The following ERCC6 variants were observed in gnomAD, a reference collection of about 807,000 sequenced individuals.
ERCC6 encodes the protein ERCC excision repair 6, chromatin remodeling factor, also known as DNA excision repair protein ERCC-6.
Under a neutral mutation model 158.7 loss-of-function variants are expected in ERCC6, and 116 were observed. That is an observed-to-expected ratio of 0.73 (90% CI 0.63 to 0.85). ERCC6 has a LOEUF of 0.85. Ranked by LOEUF, ERCC6 falls within the 40% of genes least tolerant of loss-of-function variation. ERCC6 has a pLI of 0.00. For synonymous variants in ERCC6, 678 were observed against 659.3 expected, an observed-to-expected ratio of 1.03 and a Z score of -0.43; for missense variants, 1,698 against 1,799.4, an observed-to-expected ratio of 0.94 and a Z score of 1.02.
chr10:49,477,620 T>G (rs563900348), intron 11 of ERCC6, among the ~76,000 whole-genome samples: 1 of 152,138 alleles, frequency 6.6e-6, no homozygotes, highest in Non-Finnish European at 1.5e-5. Context: ...CTTCTGTTCA[T>G]GCACCTGTCT....
intron 11 of ERCC6, among the ~76,000 whole-genome samples, chr10:49,478,102 G>A (rs1850909997): frequency 6.6e-6 from 1 of 152,240 alleles, no homozygotes; most frequent in Non-Finnish European, 1.5e-5. Context: ...TAGCATGAAT[G>A]AATTAGGGGC....
intron 6 of ERCC6, chr10:49,505,131 G>A (rs1435935706): frequency 6.6e-6 from 1 of 152,060 alleles, no homozygotes; most frequent in East Asian, 1.9e-4. Flanking sequence ...CTTCCTATAT[G>A]CATCTAAGAA....
At chr10:49,484,104 G>A (rs1034476415) in intron 8 of ERCC6, among the ~76,000 whole-genome samples, 1 of 150,902 alleles carries the variant, frequency 6.6e-6, no homozygotes, top group Non-Finnish European at 1.5e-5. Flanking sequence ...CATGGTGAAA[G>A]CCTATCTCTA....
At position 49,461,427 on chromosome 10, in the gene ERCC6, C is replaced by A. The variant is rs767621835; in HGVS notation, c.3908G>T (p.Arg1303Leu). Reference sequence around the variant, plus strand: ...AACACCAGACACTGCTCCCAGACACCGCTGACGAGAGAGCCTCAGTGCTTT... The same window carrying A: ...AACACCAGACACTGCTCCCAGACACAGCTGACGAGAGAGCCTCAGTGCTTT... Reference protein sequence around the residue: ...ALKALRLSRQRCLGAVSGVPT... With the variant: ...ALKALRLSRQLCLGAVSGVPT... Residue 1303 changes from arginine to leucine, a missense_variant, in exon 19 of 21, where the codon CGG becomes CTG. Transcript: ENST00000355832. 45 of 1,614,030 alleles carry A rather than the reference C, an allele frequency of 2.8e-5. No homozygotes were observed. Among genetic ancestry groups the A allele is most frequent in the Non-Finnish European group, 3.5e-5 (41 of 1,180,038 alleles).
intron 6 of ERCC6, chr10:49,505,155 A>C (rs1208609339): frequency 6.6e-6 from 1 of 152,154 alleles, no homozygotes; most frequent in Non-Finnish European, 1.5e-5. Flanking sequence ...TTCCTAAAGT[A>C]TCTTGTTAAG....
chr10:49,446,668 C>A, the ERCC6 span, among the ~76,000 whole-genome samples: 1 of 152,080 alleles, frequency 6.6e-6, no homozygotes, highest in South Asian at 2.1e-4. Flanking sequence ...GCCCCAGCCT[C>A]TTGGGAGGCT....
chr10:49,472,583 G>T, intron 15 of ERCC6, 113 bp from the exon 16 acceptor site: 1 of 1,107,242 alleles, frequency 9.0e-7, no homozygotes, highest in South Asian at 1.3e-5. Flanking sequence ...TTAGAATTTT[G>T]ACTCATGACG....
intron 5 of ERCC6, chr10:49,516,923 A>G (rs780731619): frequency 1.2e-6 from 2 of 1,614,068 alleles, no homozygotes; most frequent in Admixed American, 3.3e-5. Context: ...CATCTTGAAT[A>G]AGATACGCAG....
At position 49,532,656 on chromosome 10, in the gene ERCC6, G is replaced by T. The variant is rs766170632; in HGVS notation, c.309C>A (p.Asp103Glu). 2 of 1,614,178 alleles carry T rather than the reference G, an allele frequency of 1.2e-6. No individual in the cohort carries two copies. Among genetic ancestry groups the T allele is most frequent in the South Asian group, 1.1e-5 (1 of 91,080 alleles). ...GCTGAAGCACTCCCTGTTCCAGCAC[G>T]TCCTGGTCATAGACGTCCACACCCA... is the stretch of plus-strand genomic sequence containing the variant. ...QGLGVDVYDQ[D>E]VLEQGVLQQV... The change falls in exon 2 of 21, where the codon GAC becomes GAA. Residue 103 changes from aspartate to glutamate, a missense_variant. Asp to Glu is a conservative substitution (Grantham distance 45, BLOSUM62 2). Transcript: ENST00000355832.
chr10:49,473,057 C>G, intron 14 of ERCC6, 29 bp from the exon 15 acceptor site: 1 of 1,613,940 alleles, frequency 6.2e-7, no homozygotes, highest in South Asian at 1.1e-5. Flanking sequence ...ACACTGAGCA[C>G]ACACACTTAA....
At chr10:49,446,979 C>T in the ERCC6 span, among the ~76,000 whole-genome samples, 1 of 152,086 alleles carries the variant, frequency 6.6e-6, no homozygotes, top group Non-Finnish European at 1.5e-5. Flanking sequence ...AGCACAGGCT[C>T]CATACAGGAT....
chr10:49,460,534 C>T, intron 19 of ERCC6, 83 bp from the exon 20 acceptor site: 2 of 957,422 alleles, frequency 2.1e-6, no homozygotes, highest in South Asian at 2.6e-5. Flanking sequence ...CAATGAACTT[C>T]TTCCTGGAAA....
intron 8 of ERCC6, among the ~76,000 whole-genome samples, chr10:49,485,305 G>A (rs762873142): frequency 1.3e-5 from 2 of 152,144 alleles, no homozygotes; most frequent in African/African-American, 2.4e-5. Flanking sequence ...GAATTCGAAC[G>A]GAGAAAGGCA....
intron 7 of ERCC6, among the ~76,000 whole-genome samples, chr10:49,496,270 T>C (rs1447127405): frequency 6.6e-6 from 1 of 152,198 alleles, no homozygotes. Flanking sequence ...ACAAATCACC[T>C]TTACTGTAAT....
At position 49,455,439 on chromosome 10, in the gene ERCC6, G is replaced by C. The variant is rs1850469105; in HGVS notation, c.*3376C>G. On this transcript the variant is annotated 3_prime_UTR_variant, in exon 21 of 21. Transcript: ENST00000355832. ...TTCAGCTGGAACAGAAAACACCCAAGTATAAGACACTGAAGAGGGGGAGAA... is the reference window on the plus strand; with the variant it reads ...TTCAGCTGGAACAGAAAACACCCAACTATAAGACACTGAAGAGGGGGAGAA... 1 of 152,172 alleles carries C rather than the reference G, an allele frequency of 6.6e-6. No homozygotes were observed. Among genetic ancestry groups the C allele is most frequent in the Admixed American group, 6.5e-5 (1 of 15,286 alleles). 9.4% of individuals were successfully genotyped at this position (152,172 alleles called of 1,614,324 possible). A position where few individuals can be genotyped will look rare whatever the true frequency, so the allele number is the denominator to read the frequency against.
At chr10:49,498,803 G>A (rs1178076821) in intron 7 of ERCC6, among the ~76,000 whole-genome samples, 1 of 152,106 alleles carries the variant, frequency 6.6e-6, no homozygotes, top group East Asian at 1.9e-4. Context: ...GTTCTCCTAG[G>A]ACCTGAGCAC....
At chr10:49,499,160 T>C (rs1297560319) in intron 7 of ERCC6, among the ~76,000 whole-genome samples, 1 of 152,206 alleles carries the variant, frequency 6.6e-6, no homozygotes, top group African/African-American at 2.4e-5. Context: ...AATAGAATTC[T>C]CATCTTTGAA....
intron 1 of ERCC6, among the ~76,000 whole-genome samples, chr10:49,538,320 C>T (rs1283371229): frequency 6.6e-6 from 1 of 152,176 alleles, no homozygotes; most frequent in Non-Finnish European, 1.5e-5. Flanking sequence ...GATTCCACTC[C>T]CAGTGCAATG....
At position 49,524,396 on chromosome 10, in the gene ERCC6, T is replaced by C; in HGVS notation, c.1034A>G (p.Lys345Arg). ...TCTCCTTGCCTTTGGCAATCCCACT[T>C]TCCCCTGGAACTGCAAAGCCCTCTT... ...LQKRALQFQG[K>R]VGLPKARRPW... The change falls in exon 5 of 21, where the codon AAA becomes AGA. Residue 345 changes from lysine (K) to arginine (R), a missense_variant. Transcript: ENST00000355832. 6.2e-7 allele frequency: 1 copy of C among 1,614,242 alleles called. No individual in the cohort carries two copies. The highest frequency in any genetic ancestry group is 8.5e-7 in the Non-Finnish European group (1 of 1,180,044).
Sources: gnomAD v4.1 joint callset for allele counts (sites outside exome capture counted in the v4.1 genomes callset) on GRCh38, gnomAD v4.1.1 for gene constraint, MANE v1.5 for transcripts, NCBI Gene and HGNC (gene_info 2026-07-23, HGNC 2026-07-21) for gene names.